The following POC1A variants were observed in gnomAD, a reference collection of about 807,000 sequenced individuals.
POC1A encodes POC1 centriolar protein homolog A.
In POC1A, 34 loss-of-function variants were observed where a neutral mutation model predicts 47.8. The observed-to-expected ratio is 0.71, with a 90% CI of 0.54 to 0.95. The LOEUF is 0.95. POC1A is among the 40% of genes least tolerant of loss of function. The probability of loss-of-function intolerance (pLI) is 0.00; values close to 1 mark genes in which losing one functional copy is unlikely to be tolerated. For synonymous variants in POC1A, 177 were observed against 207.6 expected (o/e 0.85, Z 1.27); for missense variants, 466 against 528.3 (o/e 0.88, Z 1.16).
intron 10 of POC1A, among the ~76,000 whole-genome samples, chr3:52,081,820 G>C (rs1702304527): frequency 6.6e-6 from 1 of 152,170 alleles, no homozygotes; most frequent in African/African-American, 2.4e-5. Context: ...GCAGGCAAGA[G>C]AGAACGAGAG....
At chr3:52,114,019 C>T (rs916708783) in intron 9 of POC1A, among the ~76,000 whole-genome samples, 71 of 152,176 alleles carry the variant, frequency 4.7e-4, no homozygotes, top group African/African-American at 1.5e-3. Flanking sequence ...GGGGAGAAAT[C>T]GGGGTGCAGA....
At chr3:52,081,874 G>A (rs749070643) in intron 10 of POC1A, among the ~76,000 whole-genome samples, 9 of 152,146 alleles carry the variant, frequency 5.9e-5, no homozygotes, top group Non-Finnish European at 1.2e-4. Context: ...AGCCAGGAAG[G>A]AAAGTGGACA....
intron 1 of POC1A, among the ~76,000 whole-genome samples, chr3:52,152,644 C>T (rs1286919192): frequency 6.6e-6 from 1 of 151,824 alleles, no homozygotes; most frequent in African/African-American, 2.4e-5. Context: ...TAGCAAATGA[C>T]CCAGCAATTC....
At chr3:52,115,626 G>A (rs1159423210) in intron 9 of POC1A, among the ~76,000 whole-genome samples, 2 of 152,242 alleles carry the variant, frequency 1.3e-5, no homozygotes, top group African/African-American at 4.8e-5. Context: ...GGTCATATGG[G>A]TGGAGCCATC....
chr3:52,153,174 T>C (rs982689882), intron 1 of POC1A, among the ~76,000 whole-genome samples: 1 of 152,232 alleles, frequency 6.6e-6, no homozygotes, highest in Non-Finnish European at 1.5e-5. Flanking sequence ...GGTGTATGAA[T>C]AACTTAATAA....
chr3:52,126,205 C>T (rs1483526050), intron 7 of POC1A, among the ~76,000 whole-genome samples: 2 of 152,224 alleles, frequency 1.3e-5, no homozygotes, highest in African/African-American at 4.8e-5. Context: ...ATGAGATGGG[C>T]TCTGGCAGCA....
intron 9 of POC1A, among the ~76,000 whole-genome samples, chr3:52,099,577 A>G (rs1246907619): frequency 1.3e-5 from 2 of 152,232 alleles, no homozygotes; most frequent in Non-Finnish European, 2.9e-5. Context: ...GAGGCCAGAC[A>G]CGGTGACTTA....
At chr3:52,111,798 G>A (rs371591843) in intron 9 of POC1A, among the ~76,000 whole-genome samples, 1 of 152,168 alleles carries the variant, frequency 6.6e-6, no homozygotes, top group Non-Finnish European at 1.5e-5. Context: ...CAGGCTGTCT[G>A]GAGGATGGGA....
At position 52,104,816 on chromosome 3, in the gene POC1A, C is replaced by G. The variant is rs150043976; in HGVS notation, c.982-8104G>C. On this transcript the variant is annotated intron_variant, in intron 9 of 10. Coordinates refer to ENST00000296484, the MANE Select transcript of POC1A (RefSeq NM_015426.5). Reference sequence around the variant, plus strand: ...CCAGGCAGGGCCTCCCAAGCAGCAGCCATGCAGTCCATGGAGTGTCAGGCC... The same window carrying G: ...CCAGGCAGGGCCTCCCAAGCAGCAGGCATGCAGTCCATGGAGTGTCAGGCC... 1.9e-3 allele frequency among the ~76,000 whole-genome samples: 284 copies of G among 152,318 alleles called. 2 individuals carry two copies. The highest frequency in any genetic ancestry group is 6.5e-3 in the African/African-American group (269 of 41,568).
chr3:52,114,053 T>C (rs1417315689), intron 9 of POC1A, among the ~76,000 whole-genome samples: 1 of 151,766 alleles, frequency 6.6e-6, no homozygotes, highest in Non-Finnish European at 1.5e-5. Flanking sequence ...CTGCGTGAGG[T>C]TACAGGAGAC....
intron 10 of POC1A, among the ~76,000 whole-genome samples, chr3:52,081,443 C>A (rs191825705): frequency 2.0e-4 from 30 of 152,308 alleles, no homozygotes; most frequent in African/African-American, 7.0e-4. Context: ...ACAGGGTGCA[C>A]CACAGTTCAA....
Position 52,115,484 on chromosome 3 carries a change from C to T in POC1A, c.981+6895G>A, listed in dbSNP as rs183702213. 1.5e-3 allele frequency among the ~76,000 whole-genome samples: 236 copies of T among 152,292 alleles called. 3 individuals are homozygous for T. Among genetic ancestry groups the T allele is most frequent in the Middle Eastern group, 3.4e-3 (1 of 294 alleles). On this transcript the variant is annotated intron_variant, in intron 9 of 10. Coordinates refer to ENST00000296484, the MANE Select transcript of POC1A (RefSeq NM_015426.5). ...ACCATAAATCTGTGTTCTCATTAAG[C>T]GACCCAAGTCCTCCCAAATGAGAAG...
chr3:52,132,245 A>C (rs1024511447), intron 7 of POC1A, among the ~76,000 whole-genome samples: 3 of 152,218 alleles, frequency 2.0e-5, no homozygotes, highest in African/African-American at 7.2e-5. Flanking sequence ...CATCTGACCC[A>C]GTGCCCAAGC....
chr3:52,148,771 G>A (rs1210130419), intron 4 of POC1A, among the ~76,000 whole-genome samples: 1 of 152,216 alleles, frequency 6.6e-6, no homozygotes, highest in East Asian at 1.9e-4. Context: ...CAGACCCACC[G>A]TGTGCTCTGG....
intron 7 of POC1A, among the ~76,000 whole-genome samples, chr3:52,130,474 T>TGACC (rs756924562): frequency 1.3e-5 from 2 of 151,934 alleles, no homozygotes; most frequent in Non-Finnish European, 2.9e-5. Flanking sequence ...AGACGGGGAG[T>TGACC]GACCTCCTGA....
At chr3:52,102,237 T>C (rs1703029604) in intron 9 of POC1A, among the ~76,000 whole-genome samples, 1 of 152,206 alleles carries the variant, frequency 6.6e-6, no homozygotes, top group African/African-American at 2.4e-5. Flanking sequence ...AAGTATATAT[T>C]ATTAATAGTT....
intron 9 of POC1A, among the ~76,000 whole-genome samples, chr3:52,115,149 A>AC (rs1559829306): frequency 6.8e-6 from 1 of 146,318 alleles, no homozygotes; most frequent in Non-Finnish European, 1.5e-5. Context: ...CTTTAATAGT[A>AC]TTTTTTTTTT....
intron 10 of POC1A, among the ~76,000 whole-genome samples, chr3:52,088,208 C>T (rs920467131): frequency 1.3e-5 from 2 of 152,104 alleles, no homozygotes; most frequent in Admixed American, 6.5e-5. Flanking sequence ...AGGCCACCTC[C>T]GGGAGGAAGA....
At chr3:52,113,462 G>A (rs1228931414) in intron 9 of POC1A, among the ~76,000 whole-genome samples, 2 of 152,216 alleles carry the variant, frequency 1.3e-5, no homozygotes, top group East Asian at 1.9e-4. Flanking sequence ...CAGCATTTTG[G>A]TAGGCCAAGG....
Sources: gnomAD v4.1 joint callset for allele counts (sites outside exome capture counted in the v4.1 genomes callset) on GRCh38, gnomAD v4.1.1 for gene constraint, MANE v1.5 for transcripts, NCBI Gene and HGNC (gene_info 2026-07-23, HGNC 2026-07-21) for gene names.